Variants in LITAF observed in about 807,000 individuals in gnomAD.
LITAF encodes the protein lipopolysaccharide induced TNF factor, also known as lipopolysaccharide-induced tumor necrosis factor-alpha factor.
A neutral mutation model predicts 14.5 loss-of-function variants in LITAF; 9 were observed. The ratio of observed to expected loss-of-function variants is 0.62; its 90% confidence interval spans 0.37 to 1.08. The LOEUF is 1.08. Ranked by LOEUF, LITAF falls within the 50% of genes least tolerant of loss-of-function variation. The pLI is 0.01. For missense variants in LITAF, 206 were observed against 213.4 expected (o/e 0.97, Z 0.22); for synonymous variants, 98 against 88.2 (o/e 1.11, Z -0.62).
chr16:11,588,864 C>G (rs1387521352), upstream of LITAF, among the ~76,000 whole-genome samples: 1 of 151,310 alleles, frequency 6.6e-6, no homozygotes, highest in African/African-American at 2.4e-5. Context: ...TCCTTCCTTC[C>G]TTCCTTCCTT....
At chr16:11,613,308 C>T (rs1286318576) in intron 3 of LITAF, among the ~76,000 whole-genome samples, 1 of 152,154 alleles carries the variant, frequency 6.6e-6, no homozygotes, top group African/African-American at 2.4e-5. Context: ...ACTTCTGGAT[C>T]CCCATGGGAT....
In LITAF at chr16:11,548,547, C is replaced by G; in HGVS notation, c.*1090G>C. 2 of 453,748 alleles carry G rather than the reference C, an allele frequency of 4.4e-6. No individual in the cohort carries two copies. Among genetic ancestry groups the G allele is most frequent in the Non-Finnish European group, 8.8e-6 (2 of 226,758 alleles). 28.1% of individuals were successfully genotyped at this position (453,748 alleles called of 1,614,324 possible). A position where few individuals can be genotyped will look rare whatever the true frequency, so the allele number is the denominator to read the frequency against. On this transcript the variant is annotated 3_prime_UTR_variant, in exon 4 of 4. Transcript: ENST00000622633. ...TGAAGGTGTTTAAGAATCACATTAA[C>G]CCCAAGTAAAGGCAGTAGATGAAAT...
intron 3 of LITAF, among the ~76,000 whole-genome samples, chr16:11,604,468 G>A (rs1430889869): frequency 1.3e-5 from 2 of 152,084 alleles, no homozygotes; most frequent in African/African-American, 4.8e-5. Flanking sequence ...AGTCCATGGT[G>A]AGGACTTCAG....
At chr16:11,618,543 G>C (rs960865008) in intron 3 of LITAF, among the ~76,000 whole-genome samples, 2 of 152,180 alleles carry the variant, frequency 1.3e-5, no homozygotes, top group Non-Finnish European at 2.9e-5. Flanking sequence ...GTGCTTGATG[G>C]GCTCCCCGGG....
At chr16:11,621,768 C>G (rs1189956816) in intron 3 of LITAF, among the ~76,000 whole-genome samples, 1 of 152,104 alleles carries the variant, frequency 6.6e-6, no homozygotes, top group Non-Finnish European at 1.5e-5. Context: ...TGCCCCGACT[C>G]TCTTCCCAAC....
At chr16:11,635,394 T>C (rs374769126) in intron 2 of LITAF, among the ~76,000 whole-genome samples, 8 of 152,184 alleles carry the variant, frequency 5.3e-5, no homozygotes, top group African/African-American at 1.7e-4. Flanking sequence ...GTTCCAGTGC[T>C]TCCTCTCCCT....
At chr16:11,551,376 C>T (rs9921698) in intron 3 of LITAF, among the ~76,000 whole-genome samples, 85,826 of 151,990 alleles carry the variant, frequency 0.56, 26,554 homozygotes, top group African/African-American at 0.85. Flanking sequence ...CCCCCGTCTA[C>T]AGATGGGGAA....
chr16:11,636,005 C>T (rs190209009), intron 1 of LITAF: 1 of 152,406 alleles, frequency 6.6e-6, no homozygotes, highest in Admixed American at 6.5e-5. Context: ...TTTTCCTCCC[C>T]AAGGCTCAGT....
chr16:11,637,894 A>ATAT (rs2065144293), upstream of LITAF, among the ~76,000 whole-genome samples: 4 of 86,550 alleles, frequency 4.6e-5, no homozygotes, highest in African/African-American at 2.8e-4. Context: ...AAAAAAAAAA[A>ATAT]AAACTATATA....
In LITAF at chr16:11,632,990, G is replaced by A. The variant is rs1282161671; in HGVS notation, c.85+543C>T. Among the ~76,000 whole-genome samples the A allele has an allele frequency of 1.3e-5, 2 of 152,156 alleles. No individual in the cohort carries two copies. The highest frequency in any genetic ancestry group is 2.9e-5 in the Non-Finnish European group (2 of 68,020). ...TTTGCTGTCTTAGATAGGAAAGGAC[G>A]GCCTGGGATCCTGCACCCATGATAC... On this transcript the variant is annotated intron_variant, in intron 3 of 3. Transcript: ENST00000574848. The surrounding 1 kb of genome is among the most constrained non-coding windows in gnomAD (Gnocchi z 4.8).
intron 1 of LITAF, among the ~76,000 whole-genome samples, chr16:11,581,688 T>A (rs2064738689): frequency 6.6e-6 from 1 of 151,560 alleles, no homozygotes; most frequent in Non-Finnish European, 1.5e-5. Flanking sequence ...TAAAGGAGAG[T>A]TTCTGACACT....
upstream of LITAF, among the ~76,000 whole-genome samples, chr16:11,638,468 C>T (rs936388158): frequency 2.0e-5 from 3 of 151,678 alleles, no homozygotes; most frequent in Middle Eastern, 3.4e-3. Flanking sequence ...TTTGGGAGGC[C>T]GAGGCAGGCG....
intron 1 of LITAF, chr16:11,584,299 T>G (rs1179695421): frequency 1.3e-5 from 2 of 152,006 alleles, no homozygotes; most frequent in Non-Finnish European, 2.9e-5. Context: ...CAGATCCTCT[T>G]TTTTCCACCC....
At chr16:11,629,558 G>A (rs2065105579) in intron 3 of LITAF, among the ~76,000 whole-genome samples, 1 of 151,858 alleles carries the variant, frequency 6.6e-6, no homozygotes, top group South Asian at 2.1e-4. Context: ...AAGGGTGGGT[G>A]AGGGGTGGGA....
At chr16:11,567,793 T>C (rs898629623) in intron 1 of LITAF, among the ~76,000 whole-genome samples, 1 of 152,122 alleles carries the variant, frequency 6.6e-6, no homozygotes, top group African/African-American at 2.4e-5. Context: ...AAGACCAGCC[T>C]AGCCAACATG....
At chr16:11,584,926 G>C (rs1432300902) in intron 1 of LITAF, among the ~76,000 whole-genome samples, 1 of 152,158 alleles carries the variant, frequency 6.6e-6, no homozygotes, top group Non-Finnish European at 1.5e-5. Context: ...TTAAGAAATG[G>C]GCCGGGTGAG....
upstream of LITAF, among the ~76,000 whole-genome samples, chr16:11,591,879 A>G (rs939285477): frequency 2.0e-5 from 3 of 152,142 alleles, no homozygotes; most frequent in African/African-American, 7.2e-5. Flanking sequence ...ATGAGCCACT[A>G]TGCCCAGCTG....
intron 3 of LITAF, among the ~76,000 whole-genome samples, chr16:11,611,617 C>T (rs2064982414): frequency 6.6e-6 from 1 of 151,952 alleles, no homozygotes; most frequent in Non-Finnish European, 1.5e-5. Flanking sequence ...AAATTTCCTC[C>T]AAGCATTTTT....
intron 3 of LITAF, among the ~76,000 whole-genome samples, chr16:11,619,022 C>T (rs1036648349): frequency 2.7e-5 from 4 of 150,204 alleles, no homozygotes; most frequent in African/African-American, 9.8e-5. Flanking sequence ...AAAAAAACCC[C>T]AGCACTGCCC....
Sources: gnomAD v4.1 joint callset for allele counts (sites outside exome capture counted in the v4.1 genomes callset) on GRCh38, gnomAD v4.1.1 for gene constraint, Gnocchi (gnomAD v3.1) non-coding constraint, MANE v1.5 for transcripts, NCBI Gene and HGNC (gene_info 2026-07-23, HGNC 2026-07-21) for gene names.